Variants in MAGI2 observed in about 807,000 individuals in gnomAD.
The protein encoded by MAGI2 is membrane associated guanylate kinase, WW and PDZ domain containing 2.
MAGI2 carries 35 observed loss-of-function variants against 133.3 expected under a neutral mutation model. The observed-to-expected ratio is 0.26, with a 90% confidence interval of 0.20 to 0.35. The LOEUF (loss-of-function observed/expected upper bound fraction) is 0.35, where lower values mean the gene tolerates loss of function less well. Ranked by LOEUF, MAGI2 falls within the 10% of genes least tolerant of loss-of-function variation. MAGI2 has a pLI of 1.00. For synonymous variants in MAGI2, 729 were observed against 710.6 expected, an observed-to-expected ratio of 1.03 and a Z score of -0.41; for missense variants, 1,636 against 1,863.4, an observed-to-expected ratio of 0.88 and a Z score of 2.25.
At chr7:78,291,837 G>T (rs939889326) in intron 9 of MAGI2, among the ~76,000 whole-genome samples, 42 of 79,618 alleles carry the variant, frequency 5.3e-4, no homozygotes, top group African/African-American at 2.2e-3. Flanking sequence ...AAAACCATAC[G>T]ATTATCTCAA....
chr7:78,690,010 T>C (rs565060851), intron 2 of MAGI2, among the ~76,000 whole-genome samples: 4 of 152,284 alleles, frequency 2.6e-5, no homozygotes, highest in South Asian at 4.1e-4. Context: ...GCAAGTATAA[T>C]AATTGGGTAT....
chr7:78,773,821 T>C (rs896274584), intron 2 of MAGI2, among the ~76,000 whole-genome samples: 8 of 152,220 alleles, frequency 5.3e-5, no homozygotes, highest in Non-Finnish European at 8.8e-5. Flanking sequence ...AATTTGTGCT[T>C]CATCTGAGAT....
intron 2 of MAGI2, among the ~76,000 whole-genome samples, chr7:78,926,975 A>G (rs1230813267): frequency 2.0e-5 from 3 of 152,130 alleles, no homozygotes; most frequent in South Asian, 4.2e-4. Context: ...TTGTACCACT[A>G]ATGAAGACAA....
intron 9 of MAGI2, among the ~76,000 whole-genome samples, chr7:78,275,078 AGGC>A (rs1315458954): frequency 6.6e-6 from 1 of 152,056 alleles, no homozygotes; most frequent in African/African-American, 2.4e-5. Flanking sequence ...CTGGTGGGGT[AGGC>A]ACCAGAGGGA....
intron 2 of MAGI2, among the ~76,000 whole-genome samples, chr7:78,828,360 T>C (rs1790850110): frequency 6.6e-6 from 1 of 152,210 alleles, no homozygotes; most frequent in Admixed American, 6.5e-5. Context: ...CTTTTGGATC[T>C]GATGTGATGA....
At chr7:79,285,665 A>G (rs147071077) in intron 1 of MAGI2, among the ~76,000 whole-genome samples, 56 of 152,194 alleles carry the variant, frequency 3.7e-4, no homozygotes, top group Admixed American at 1.1e-3. Flanking sequence ...TCTTGAGTCC[A>G]TGGCTTAATG....
At chr7:78,688,986 CT>C (rs1429350518) in intron 2 of MAGI2, among the ~76,000 whole-genome samples, 2 of 152,192 alleles carry the variant, frequency 1.3e-5, no homozygotes, top group African/African-American at 2.4e-5. Context: ...TCAGTACTCT[CT>C]TTCTTTAAAC....
intron 20 of MAGI2, among the ~76,000 whole-genome samples, chr7:78,097,246 G>T (rs866167298): frequency 1.9e-4 from 29 of 152,138 alleles, no homozygotes; most frequent in African/African-American, 7.0e-4. Flanking sequence ...ATTGTGGAAA[G>T]CGGTATGGCG....
At chr7:78,045,060 G>T (rs2151094020) in intron 21 of MAGI2, among the ~76,000 whole-genome samples, 1 of 152,266 alleles carries the variant, frequency 6.6e-6, no homozygotes. Flanking sequence ...CCAGCTACTT[G>T]GGAGGCTGAG....
chr7:78,472,375 C>A (rs1179266637), intron 6 of MAGI2, among the ~76,000 whole-genome samples: 1 of 151,814 alleles, frequency 6.6e-6, no homozygotes, highest in Non-Finnish European at 1.5e-5. Context: ...CAAGATAAAA[C>A]AAATGTAGAC....
chr7:79,173,176 T>C (rs1825775655), intron 1 of MAGI2, among the ~76,000 whole-genome samples: 1 of 151,954 alleles, frequency 6.6e-6, no homozygotes, highest in Non-Finnish European at 1.5e-5. Context: ...AACAAAAAGG[T>C]ATAATCTAAT....
chr7:78,944,879 G>A (rs1389883954), intron 2 of MAGI2, among the ~76,000 whole-genome samples: 3 of 151,846 alleles, frequency 2.0e-5, no homozygotes, highest in African/African-American at 4.8e-5. Flanking sequence ...TGGAACTACA[G>A]GTGCACGCCA....
At chr7:79,171,771 T>TATATA (rs1554394312) in intron 1 of MAGI2, among the ~76,000 whole-genome samples, 77 of 20,034 alleles carry the variant, frequency 3.8e-3, no homozygotes, top group Non-Finnish European at 4.4e-3. Context: ...TATATATATA[T>TATATA]TTTTTTTTTT....
intron 21 of MAGI2, among the ~76,000 whole-genome samples, chr7:78,045,023 C>T (rs112344417): frequency 0.095 from 14,442 of 152,038 alleles, 748 homozygotes; most frequent in African/African-American, 0.11. Flanking sequence ...AAAAATTAGT[C>T]GGGCGTGGTG....
intron 1 of MAGI2, among the ~76,000 whole-genome samples, chr7:79,225,582 T>G (rs1243035001): frequency 6.6e-6 from 1 of 152,222 alleles, no homozygotes; most frequent in Non-Finnish European, 1.5e-5. Context: ...CTAAATATAG[T>G]AACATAAAAC....
At chr7:78,832,547 G>C (rs1410641122) in intron 2 of MAGI2, among the ~76,000 whole-genome samples, 1 of 152,134 alleles carries the variant, frequency 6.6e-6, no homozygotes, top group East Asian at 1.9e-4. Context: ...ACGCTACTCT[G>C]TTTTCCTGAA....
At chr7:78,948,163 C>T (rs1020676539) in intron 2 of MAGI2, among the ~76,000 whole-genome samples, 2 of 152,082 alleles carry the variant, frequency 1.3e-5, no homozygotes, top group African/African-American at 4.8e-5. Context: ...TGTCCTCTGC[C>T]ATACTGCCTT....
intron 21 of MAGI2, among the ~76,000 whole-genome samples, chr7:78,054,454 T>C (rs930875417): frequency 2.6e-5 from 4 of 152,000 alleles, no homozygotes; most frequent in African/African-American, 9.7e-5. Flanking sequence ...TCTGGGATGC[T>C]GAAGACTGGA....
chr7:79,102,097 AT>A (rs1818036732), intron 1 of MAGI2, among the ~76,000 whole-genome samples: 1 of 151,950 alleles, frequency 6.6e-6, no homozygotes, highest in Admixed American at 6.6e-5. Context: ...TAATGACTTC[AT>A]TTTATTTTGT....
Sources: allele counts gnomAD v4.1 joint callset (sites outside exome capture counted in the v4.1 genomes callset), GRCh38; gene constraint gnomAD v4.1.1; transcripts MANE v1.5; gene names NCBI Gene and HGNC (gene_info 2026-07-23, HGNC 2026-07-21).